Variants in CALN1 observed in about 807,000 individuals in gnomAD.
The protein encoded by CALN1 is calcium-binding protein 8.
Under a neutral mutation model 30.6 loss-of-function variants are expected in CALN1, and 17 were observed. The observed-to-expected ratio is 0.56, with a 90% CI of 0.38 to 0.83. The LOEUF is 0.83. Among genes scored for constraint, CALN1 ranks in the 40% least tolerant of loss-of-function variants. The pLI is 0.00. For synonymous variants in CALN1, 156 were observed against 131.4 expected, an observed-to-expected ratio of 1.19 and a Z score of -1.28; for missense variants, 291 against 354.9, an observed-to-expected ratio of 0.82 and a Z score of 1.45.
intron 1 of CALN1, among the ~76,000 whole-genome samples, chr7:72,406,923 G>C (rs1335934356): frequency 2.0e-5 from 3 of 152,200 alleles, no homozygotes; most frequent in African/African-American, 7.2e-5. Flanking sequence ...CCCCTTGTCA[G>C]CTTTTCATTC....
the CALN1 span, among the ~76,000 whole-genome samples, chr7:72,492,794 C>T: frequency 6.6e-6 from 1 of 152,306 alleles, no homozygotes; most frequent in East Asian, 1.9e-4. Flanking sequence ...TGCCGAGCAC[C>T]GGAACAGTCG....
At chr7:72,256,470 AAAG>A (rs1290702177) in intron 3 of CALN1, among the ~76,000 whole-genome samples, 1 of 152,114 alleles carries the variant, frequency 6.6e-6, no homozygotes, top group Non-Finnish European at 1.5e-5. Context: ...AAAAAAGAAA[AAAG>A]AAGCACATGC....
chr7:71,870,528 A>C (rs1385464289), intron 5 of CALN1, among the ~76,000 whole-genome samples: 1 of 152,226 alleles, frequency 6.6e-6, no homozygotes, highest in Non-Finnish European at 1.5e-5. Context: ...GAAAAGGCTA[A>C]AAAGAAAGAT....
At chr7:72,288,423 C>A (rs1226784267) in intron 2 of CALN1, among the ~76,000 whole-genome samples, 1 of 152,140 alleles carries the variant, frequency 6.6e-6, no homozygotes, top group Non-Finnish European at 1.5e-5. Flanking sequence ...AATCACACAT[C>A]ATCACTTCTG....
chr7:72,406,034 G>A (rs186387365), intron 1 of CALN1, among the ~76,000 whole-genome samples: 5 of 152,198 alleles, frequency 3.3e-5, no homozygotes, highest in Non-Finnish European at 5.9e-5. Context: ...GCAGCTCCCC[G>A]TAAGGAACAA....
rs530719435 is a variant in CALN1, at chr7:72,204,242, G to A, written c.244+74444C>T. Reference sequence around the variant, plus strand: ...CATCTCCTGACCTCGTGATTCTCCCGCCTCAGCCTCCCAAAGTGCTGGGAT... The same window carrying A: ...CATCTCCTGACCTCGTGATTCTCCCACCTCAGCCTCCCAAAGTGCTGGGAT... On this transcript the variant is annotated intron_variant, in intron 3 of 6. Transcript: ENST00000395275. 2.5e-4 allele frequency among the ~76,000 whole-genome samples: 37 copies of A among 150,706 alleles called. 1 individual carries two copies. The South Asian group carries it at 5.3e-3, about 21-fold the overall frequency.
chr7:71,970,339 C>A (rs79065717), intron 5 of CALN1, among the ~76,000 whole-genome samples: 1 of 152,154 alleles, frequency 6.6e-6, no homozygotes, highest in Non-Finnish European at 1.5e-5. Flanking sequence ...CTTAATCCTG[C>A]GAGAAAACAG....
In CALN1 at chr7:72,092,729, T is replaced by C. The variant is rs182426533; in HGVS notation, c.388+13422A>G. Among the ~76,000 whole-genome samples, 466 of 152,016 alleles carry C rather than the reference T, an allele frequency of 3.1e-3. 5 individuals are homozygous for C. The highest frequency in any genetic ancestry group is 0.011 in the African/African-American group (453 of 41,484). On this transcript the variant is annotated intron_variant, in intron 4 of 6. Transcript: ENST00000395275. Reference sequence around the variant, plus strand: ...ACTTTGTTCCCTTCTGGGCATATAGTTGGGTTGTACTCCTCAACACCCTTT... The same window carrying C: ...ACTTTGTTCCCTTCTGGGCATATAGCTGGGTTGTACTCCTCAACACCCTTT...
At chr7:72,058,011 A>C (rs1320353060) in intron 4 of CALN1, among the ~76,000 whole-genome samples, 1 of 152,180 alleles carries the variant, frequency 6.6e-6, no homozygotes, top group African/African-American at 2.4e-5. Flanking sequence ...TTAAAATGTC[A>C]CTTGGCACCA....
intron 5 of CALN1, among the ~76,000 whole-genome samples, chr7:71,944,507 T>A (rs1204244586): frequency 7.0e-6 from 1 of 143,096 alleles, no homozygotes; most frequent in Non-Finnish European, 1.5e-5. Context: ...GGCAGGAGAA[T>A]CGCTTGAACC....
chr7:72,128,142 G>C (rs889476952), intron 3 of CALN1, among the ~76,000 whole-genome samples: 2 of 152,112 alleles, frequency 1.3e-5, no homozygotes, highest in African/African-American at 2.4e-5. Flanking sequence ...TCCTAAAAAA[G>C]AAGAGATACA....
At chr7:71,827,281 G>A (rs1196123152) in intron 5 of CALN1, among the ~76,000 whole-genome samples, 2 of 152,192 alleles carry the variant, frequency 1.3e-5, no homozygotes, top group Non-Finnish European at 2.9e-5. Context: ...GGCATGCCAA[G>A]TGTCTGGTCC....
Position 71,887,759 on chromosome 7 carries a change from C to T in CALN1, c.502-77267G>A, listed in dbSNP as rs185471071. On this transcript the variant is annotated intron_variant, in intron 5 of 6. Coordinates refer to ENST00000395275, the MANE Select transcript of CALN1 (RefSeq NM_031468.4). ...GAGGAGGCAATGCAAGTAAAACATG[C>T]TCAGGGATGTAGAGTTAGCAGAGTC... Among the ~76,000 whole-genome samples the T allele has an allele frequency of 3.0e-3, 453 of 152,182 alleles. 10 individuals carry two copies. The highest frequency in any genetic ancestry group is 0.026 in the Admixed American group (397 of 15,276).
intron 4 of CALN1, among the ~76,000 whole-genome samples, chr7:72,072,092 T>C (rs1204094099): frequency 6.6e-6 from 1 of 152,024 alleles, no homozygotes; most frequent in Non-Finnish European, 1.5e-5. Context: ...GAGAAAAGGG[T>C]AGGGGAATAT....
the CALN1 span, among the ~76,000 whole-genome samples, chr7:72,485,094 A>T: frequency 6.6e-6 from 1 of 152,136 alleles, no homozygotes; most frequent in South Asian, 2.1e-4. Context: ...TACAAAAAAA[A>T]ATTTTTTTTA....
chr7:71,955,604 G>A (rs1796919434), intron 5 of CALN1, among the ~76,000 whole-genome samples: 1 of 151,950 alleles, frequency 6.6e-6, no homozygotes, highest in South Asian at 2.1e-4. Flanking sequence ...TGGTCTAAGT[G>A]GAAAATATTA....
the CALN1 span, among the ~76,000 whole-genome samples, chr7:72,462,577 CGAG>C: frequency 1.3e-5 from 2 of 152,164 alleles, no homozygotes; most frequent in Admixed American, 1.3e-4. Flanking sequence ...ACAATACTGT[CGAG>C]GAGGTCGCAG....
At chr7:71,900,596 G>A (rs1478236129) in intron 5 of CALN1, among the ~76,000 whole-genome samples, 4 of 152,166 alleles carry the variant, frequency 2.6e-5, no homozygotes, top group African/African-American at 9.7e-5. Context: ...ATTACTTGCA[G>A]GTGGCTAAGA....
At position 72,411,147 on chromosome 7, in the gene CALN1, T is replaced by C. The variant is rs186664242; in HGVS notation, c.-74+911A>G. Among the ~76,000 whole-genome samples, 315 of 152,272 alleles carry C rather than the reference T, an allele frequency of 2.1e-3. 4 individuals carry two copies. The highest frequency in any genetic ancestry group is 3.6e-3 in the Non-Finnish European group (248 of 68,012). On this transcript the variant is annotated intron_variant, in intron 1 of 6. Coordinates refer to ENST00000395275, the MANE Select transcript of CALN1 (RefSeq NM_031468.4). The stretch of plus-strand genomic sequence containing the variant: ...TTTATAAGAGCAAACATAAAGGTTT[T>C]ACAGATTTGAAAAAAACTATCAAAA...
Sources: gnomAD v4.1 joint callset for allele counts (sites outside exome capture counted in the v4.1 genomes callset) on GRCh38, gnomAD v4.1.1 for gene constraint, MANE v1.5 for transcripts, NCBI Gene and HGNC (gene_info 2026-07-23, HGNC 2026-07-21) for gene names.